The following DPEP1 variants were observed in gnomAD, a reference collection of about 807,000 sequenced individuals.
DPEP1 encodes dipeptidase 1, also known as beta-lactamase.
In DPEP1, 50 loss-of-function variants were observed where a neutral mutation model predicts 42.3. The ratio of observed to expected loss-of-function variants is 1.18; its 90% confidence interval spans 0.94 to 1.50. The LOEUF is 1.50. Among genes scored for constraint, DPEP1 ranks in the 40% most tolerant of loss-of-function variants. The probability of loss-of-function intolerance (pLI) is 0.00; values close to 1 mark genes in which losing one functional copy is unlikely to be tolerated. For synonymous variants in DPEP1, 297 were observed against 234.0 expected, an observed-to-expected ratio of 1.27 and a Z score of -2.46; for missense variants, 663 against 553.0, an observed-to-expected ratio of 1.20 and a Z score of -1.99.
chr16:89,627,598 G>T (rs1292327900), intron 1 of DPEP1, among the ~76,000 whole-genome samples: 1 of 151,528 alleles, frequency 6.6e-6, no homozygotes, highest in Non-Finnish European at 1.5e-5. Flanking sequence ...GGAAGGAGGG[G>T]AGGGGAGAAG....
Position 89,632,407 on chromosome 16 carries a change from C to T in DPEP1, c.104+1893C>T, listed in dbSNP as rs764535523. Among the ~76,000 whole-genome samples, 11 of 152,144 alleles carry T rather than the reference C, an allele frequency of 7.2e-5. No homozygotes were observed. In the East Asian group the frequency reaches 9.6e-4, roughly 13 times the overall value. ...GGACCCACCTTCATCCCTTGGCCAC[C>T]GCCAGCGACACAGGGGCAGGAAGTA... is the stretch of plus-strand genomic sequence containing the variant. On this transcript the variant is annotated intron_variant, in intron 2 of 10. Transcript: ENST00000690203.
intron 1 of DPEP1, among the ~76,000 whole-genome samples, chr16:89,618,806 T>C (rs943972081): frequency 2.6e-5 from 4 of 152,036 alleles, no homozygotes; most frequent in African/African-American, 9.7e-5. Context: ...ATATTTATTT[T>C]ATTTTCACCA....
At chr16:89,615,338 G>C (rs574403819) in intron 1 of DPEP1, among the ~76,000 whole-genome samples, 6 of 152,342 alleles carry the variant, frequency 3.9e-5, no homozygotes, top group Non-Finnish European at 2.9e-5. Flanking sequence ...ACTGGGTACA[G>C]AGCGGGCAGG....
At position 89,637,569 on chromosome 16, in the gene DPEP1, C is replaced by T. The variant is rs377155139; in HGVS notation, c.853+17C>T. The T allele has an allele frequency of 9.9e-6, 16 of 1,612,648 alleles. No homozygotes were observed. Among genetic ancestry groups the T allele is most frequent in the African/African-American group, 1.3e-5 (1 of 74,932 alleles). ...AAGTGGCCGGTAGGTGGGGTGTGAG[C>T]GGCCAAGGGGGCCGAAGGGGGAGGG... On this transcript the variant is annotated intron_variant, in intron 8 of 10. Coordinates refer to ENST00000690203, the MANE Select transcript of DPEP1 (RefSeq NM_001389466.1).
chr16:89,618,781 G>A (rs1180396873), intron 1 of DPEP1, among the ~76,000 whole-genome samples: 1 of 151,592 alleles, frequency 6.6e-6, no homozygotes, highest in East Asian at 2.0e-4. Context: ...TTCGCATTTT[G>A]TAACTTATAG....
rs188182541 is a variant in DPEP1 at position 89,627,222 on chromosome 16, G to A, written c.-106-3083G>A. 3.2e-3 allele frequency among the ~76,000 whole-genome samples: 476 copies of A among 150,184 alleles called. 1 individual carries two copies. Among genetic ancestry groups the A allele is most frequent in the African/African-American group, 0.011 (453 of 40,768 alleles). On this transcript the variant is annotated intron_variant, in intron 1 of 10. Transcript: ENST00000690203. ...CGGGAGGCAGAGCTTGCAGTGAGCT[G>A]AGGTTGCGCCACTGCACTCCAGCCT...
chr16:89,620,570 AGGCTTTAGCCC>A (rs1164495273), intron 1 of DPEP1: 1 of 152,242 alleles, frequency 6.6e-6, no homozygotes, highest in East Asian at 1.9e-4. Flanking sequence ...GACATGTGTG[AGGCTTTAGCCC>A]GGCTCTCCCT....
chr16:89,639,095 A>ACCCCCACCCCTG (rs1171217280), downstream of DPEP1, among the ~76,000 whole-genome samples: 1 of 29,276 alleles, frequency 3.4e-5, no homozygotes, highest in African/African-American at 1.7e-4. Flanking sequence ...TCCTGCACAC[A>ACCCCCACCCCTG]CACACCCCCA....
Position 89,636,934 on chromosome 16 carries a change from AG to A in DPEP1, c.591+1del. On this transcript the variant is annotated frameshift_variant and splice_region_variant, in exon 6 of 11. Coordinates refer to ENST00000690203, the MANE Select transcript of DPEP1 (RefSeq NM_001389466.1). LOFTEE classifies it high-confidence loss of function. ...AGCCAAGGCTTGTCACCCTTTGGGC[AG>A]GTGAGTGGGGTGGGAGCGGCCAGTC... Reference protein sequence around the residue: ...PQSQGLSPFGQRVVKELNRLG... With the variant: ...PQSQGLSPFGXRVVKELNRLG... 6.2e-7 allele frequency: 1 copy of A among 1,612,292 alleles called. No individual in the cohort carries two copies. The highest frequency in any genetic ancestry group is 1.1e-5 in the South Asian group (1 of 91,062).
chr16:89,640,163 G>A (rs752008117), downstream of DPEP1, among the ~76,000 whole-genome samples: 14 of 152,182 alleles, frequency 9.2e-5, no homozygotes, highest in Non-Finnish European at 1.2e-4. Flanking sequence ...CCAAGGGTTC[G>A]TCTTGAGATG....
downstream of DPEP1, among the ~76,000 whole-genome samples, chr16:89,640,439 C>CT (rs1218862914): frequency 6.6e-6 from 1 of 152,180 alleles, no homozygotes; most frequent in Non-Finnish European, 1.5e-5. Context: ...CAAGCCTTGG[C>CT]TGGAGGCCCT....
chr16:89,617,631 C>G (rs1567978969), intron 1 of DPEP1, among the ~76,000 whole-genome samples: 10 of 143,676 alleles, frequency 7.0e-5, no homozygotes, highest in African/African-American at 1.9e-4. Flanking sequence ...GCGGCTCACA[C>G]CTGTAATCCC....
Position 89,630,531 on chromosome 16 carries a change from G to A in DPEP1, c.104+17G>A, listed in dbSNP as rs754226166. On this transcript the variant is annotated intron_variant, in intron 2 of 10. Coordinates refer to ENST00000690203, the MANE Select transcript of DPEP1 (RefSeq NM_001389466.1). ...CATTGATGGGTGAGTGCTCACCTGA[G>A]CCAGGTGCTTAGGGAACCAGGACTG... 3.3e-6 allele frequency: 5 copies of A among 1,536,446 alleles called. No individual in the cohort carries two copies. The East Asian group carries it at 1.0e-4, about 31-fold the overall frequency.
chr16:89,622,174 C>A (rs560212606), intron 1 of DPEP1, among the ~76,000 whole-genome samples: 21 of 152,286 alleles, frequency 1.4e-4, no homozygotes, highest in South Asian at 4.1e-4. Flanking sequence ...GCTCCCACCC[C>A]GAGGGGTCTC....
chr16:89,637,098 G>A (rs2059691243), intron 6 of DPEP1, 106 bp from the exon 7 acceptor site: 41 of 1,532,998 alleles, frequency 2.7e-5, no homozygotes, highest in Middle Eastern at 1.8e-4. Flanking sequence ...GAGTGGCCCC[G>A]GACTTCCAGC....
At chr16:89,636,710 CG>C (rs2059685600) in intron 5 of DPEP1, 27 bp downstream of exon 5, 1 of 1,610,368 alleles carries the variant, frequency 6.2e-7, no homozygotes, top group South Asian at 1.1e-5. Context: ...GGGAGGCCCC[CG>C]GGCTGTGGTC....
At chr16:89,630,123 A>G (rs1353701155) in intron 1 of DPEP1, among the ~76,000 whole-genome samples, 182 bp from the exon 2 acceptor site, 2 of 152,114 alleles carry the variant, frequency 1.3e-5, no homozygotes, top group South Asian at 2.1e-4. Context: ...CTGGGATCCC[A>G]GCTTCTTACT....
Position 89,637,329 on chromosome 16 carries a change from C to T in DPEP1, c.717C>T (p.Tyr239=). The change falls in exon 7 of 11, where the codon TAC becomes TAT. Residue 239 remains tyrosine (Y), a synonymous_variant. Transcript: ENST00000690203. ...APVIFSHSSA[Y]SVCASRRNVP... ...TCATCTTCAGCCACTCCTCGGCCTACAGCGTGTGCGCAAGCCGGCGCAACG... is the reference window on the plus strand; with the variant it reads ...TCATCTTCAGCCACTCCTCGGCCTATAGCGTGTGCGCAAGCCGGCGCAACG... 6.2e-7 allele frequency: 1 copy of T among 1,612,578 alleles called. No individual in the cohort carries two copies. The highest frequency in any genetic ancestry group is 8.5e-7 in the Non-Finnish European group (1 of 1,179,970).
intron 2 of DPEP1, among the ~76,000 whole-genome samples, chr16:89,635,228 T>A (rs1230952881): frequency 6.7e-6 from 1 of 149,154 alleles, no homozygotes; most frequent in Admixed American, 6.7e-5. Context: ...TCCCCTTCCT[T>A]CTCATTTTTC....
Sources: gnomAD v4.1 joint callset for allele counts (sites outside exome capture counted in the v4.1 genomes callset) on GRCh38, gnomAD v4.1.1 for gene constraint, MANE v1.5 for transcripts, NCBI Gene and HGNC (gene_info 2026-07-23, HGNC 2026-07-21) for gene names.